Variants in OPCML observed in about 807,000 individuals in gnomAD.
OPCML encodes the protein opioid binding protein/cell adhesion molecule like, also known as opioid-binding protein/cell adhesion molecule.
In OPCML, 13 loss-of-function variants were observed where a neutral mutation model predicts 37.8. The observed-to-expected ratio is 0.34, with a 90% CI of 0.22 to 0.55. OPCML has a LOEUF of 0.55. Among genes scored for constraint, OPCML ranks in the 20% least tolerant of loss-of-function variants. The probability of loss-of-function intolerance (pLI) is 0.91; values close to 1 mark genes in which losing one functional copy is unlikely to be tolerated. For synonymous variants in OPCML, 176 were observed against 168.8 expected (o/e 1.04, Z -0.33); for missense variants, 341 against 435.6 (o/e 0.78, Z 1.93).
intron 1 of OPCML, among the ~76,000 whole-genome samples, chr11:133,483,674 TGATAGATAGATA>T (rs141632251): frequency 0.027 from 3,932 of 146,092 alleles, 69 homozygotes; most frequent in South Asian, 0.059. Context: ...GATAAATAGA[TGATAGATAGATA>T]GATAGATAGA....
chr11:132,504,295 T>C (rs534148076), intron 4 of OPCML, among the ~76,000 whole-genome samples: 12 of 152,184 alleles, frequency 7.9e-5, no homozygotes, highest in South Asian at 4.1e-4. Flanking sequence ...ATGCAGATAA[T>C]AAAGCTTCAA....
At chr11:133,342,233 G>A (rs77016588) in intron 1 of OPCML, among the ~76,000 whole-genome samples, 1 of 152,086 alleles carries the variant, frequency 6.6e-6, no homozygotes, top group South Asian at 2.1e-4. Flanking sequence ...AGGGGGAAGA[G>A]AACTAACACA....
intron 3 of OPCML, among the ~76,000 whole-genome samples, chr11:132,654,960 G>T (rs550702816): frequency 6.6e-6 from 1 of 152,084 alleles, no homozygotes; most frequent in African/African-American, 2.4e-5. Flanking sequence ...ATGCCATGCT[G>T]TCCTTAGACT....
intron 2 of OPCML, among the ~76,000 whole-genome samples, chr11:132,709,391 T>A (rs1361719195): frequency 6.6e-6 from 1 of 152,236 alleles, no homozygotes; most frequent in Non-Finnish European, 1.5e-5. Context: ...AAAACTAAGA[T>A]ATGAACACTG....
At chr11:132,806,651 C>T (rs73039425) in intron 2 of OPCML, among the ~76,000 whole-genome samples, 31,334 of 151,882 alleles carry the variant, frequency 0.21, 4,029 homozygotes, top group Non-Finnish European at 0.31. Context: ...AAATCTACAA[C>T]TAAAGTTGGA....
chr11:132,895,448 G>C (rs1943802593), intron 2 of OPCML, among the ~76,000 whole-genome samples: 1 of 152,128 alleles, frequency 6.6e-6, no homozygotes, highest in Non-Finnish European at 1.5e-5. Context: ...GTAGCCACAG[G>C]TCTGGGATTG....
At chr11:132,461,463 C>T (rs2096101426) in intron 4 of OPCML, among the ~76,000 whole-genome samples, 1 of 152,140 alleles carries the variant, frequency 6.6e-6, no homozygotes, top group Admixed American at 6.5e-5. Context: ...GCTCCATGCT[C>T]CTTCCCCATA....
intron 1 of OPCML, among the ~76,000 whole-genome samples, chr11:133,481,231 C>T (rs1947364053): frequency 6.6e-6 from 1 of 152,134 alleles, no homozygotes; most frequent in Non-Finnish European, 1.5e-5. Context: ...CACGAGGCTG[C>T]CTCTGTCCCA....
At chr11:132,611,593 G>A (rs970777962) in intron 3 of OPCML, among the ~76,000 whole-genome samples, 13 of 152,152 alleles carry the variant, frequency 8.5e-5, no homozygotes, top group Admixed American at 1.3e-4. Flanking sequence ...CCAGAGACTA[G>A]CATGCAGGAG....
chr11:133,213,222 A>AG (rs1409495262), intron 1 of OPCML, among the ~76,000 whole-genome samples: 1 of 96,216 alleles, frequency 1.0e-5, no homozygotes, highest in East Asian at 3.4e-4. Context: ...ATTCATAATG[A>AG]GTTTTTTTTT....
intron 1 of OPCML, chr11:133,024,259 C>T (rs758903721): frequency 7.4e-5 from 58 of 778,644 alleles, no homozygotes; most frequent in East Asian, 1.3e-4. Context: ...GGGTGAGAAG[C>T]GAAGAAAAAG....
chr11:132,695,161 G>A (rs1943556479), intron 2 of OPCML, among the ~76,000 whole-genome samples: 1 of 152,006 alleles, frequency 6.6e-6, no homozygotes, highest in Non-Finnish European at 1.5e-5. Context: ...AAAAGGATAT[G>A]TGGTAAAGGT....
chr11:132,903,212 A>T (rs989712465), intron 2 of OPCML, among the ~76,000 whole-genome samples: 2 of 152,146 alleles, frequency 1.3e-5, no homozygotes, highest in Non-Finnish European at 2.9e-5. Flanking sequence ...AGTCATTTCC[A>T]CAAAGCTACA....
chr11:132,913,079 A>T (rs1944482511), intron 2 of OPCML, among the ~76,000 whole-genome samples: 1 of 152,224 alleles, frequency 6.6e-6, no homozygotes, highest in South Asian at 2.1e-4. Context: ...ACATATTACC[A>T]CAATCTCCTA....
chr11:133,372,264 C>G (rs1375820313), intron 1 of OPCML, among the ~76,000 whole-genome samples: 1 of 152,136 alleles, frequency 6.6e-6, no homozygotes, highest in Non-Finnish European at 1.5e-5. Flanking sequence ...CATATTTATG[C>G]ACATAACAAA....
chr11:132,923,755 ATTTTTTT>A (rs71038509), intron 2 of OPCML, among the ~76,000 whole-genome samples: 4 of 92,066 alleles, frequency 4.3e-5, no homozygotes, highest in African/African-American at 9.1e-5. Flanking sequence ...AGTTACTTGA[ATTTTTTT>A]TTTTTTTTTT....
intron 2 of OPCML, among the ~76,000 whole-genome samples, chr11:132,930,294 G>T (rs1945154071): frequency 6.6e-6 from 1 of 152,112 alleles, no homozygotes; most frequent in Non-Finnish European, 1.5e-5. Flanking sequence ...AACCTGAAAG[G>T]TCGAGGCTAC....
intron 2 of OPCML, among the ~76,000 whole-genome samples, chr11:132,836,609 A>G (rs1941014180): frequency 6.6e-6 from 1 of 152,216 alleles, no homozygotes; most frequent in Non-Finnish European, 1.5e-5. Flanking sequence ...TTACACTAGC[A>G]TGAGTCCTCT....
chr11:132,433,516 C>A (rs1043426274), intron 7 of OPCML, among the ~76,000 whole-genome samples: 2 of 152,148 alleles, frequency 1.3e-5, no homozygotes, highest in African/African-American at 2.4e-5. Context: ...GAAGACTCAG[C>A]AAGTTTAAGT....
Sources: allele counts gnomAD v4.1 joint callset (sites outside exome capture counted in the v4.1 genomes callset), GRCh38; gene constraint gnomAD v4.1.1; transcripts MANE v1.5; gene names NCBI Gene and HGNC (gene_info 2026-07-23, HGNC 2026-07-21).